The following VPS54 variants were observed in gnomAD, a reference collection of about 807,000 sequenced individuals.
VPS54 encodes the protein vacuolar protein sorting-associated protein 54.
A neutral mutation model predicts 121.5 loss-of-function variants in VPS54; 45 were observed. That is an observed-to-expected ratio of 0.37 (90% CI 0.29 to 0.47). The LOEUF (loss-of-function observed/expected upper bound fraction) is 0.47. Among genes scored for constraint, VPS54 ranks in the 20% least tolerant of loss-of-function variants. The pLI is 0.99. For missense variants in VPS54, 1,090 were observed against 1,131.4 expected, an observed-to-expected ratio of 0.96 and a Z score of 0.52; for synonymous variants, 371 against 385.8, an observed-to-expected ratio of 0.96 and a Z score of 0.45.
rs140832073 is a variant in VPS54, at chr2:63,897,603, T to G, written c.2734-13A>C. 1.3e-4 allele frequency: 177 copies of G among 1,406,548 alleles called. No individual in the cohort carries two copies. In the African/African-American group the frequency reaches 1.8e-3, roughly 14 times the overall value. The allele number at this position is 1,406,548 out of a possible 1,614,324, so 87.1% of individuals were successfully genotyped here. A position where few individuals can be genotyped will look rare whatever the true frequency, so the allele number is the denominator to read the frequency against. ...TTAAAAATAACATCTGAAAAAGAAA[T>G]AAAACTAAGTTTCTTAAAGTTCTAC... On this transcript the variant is annotated splice_polypyrimidine_tract_variant and intron_variant, in intron 21 of 22. Transcript: ENST00000272322.
intron 3 of VPS54, among the ~76,000 whole-genome samples, chr2:63,976,851 CAG>C (rs1676559664): frequency 2.0e-5 from 2 of 98,760 alleles, no homozygotes; most frequent in African/African-American, 4.5e-5. Context: ...TTTTTTGAGA[CAG>C]AGTCTTGCTC....
At chr2:64,009,661 G>T (rs545877319) in intron 1 of VPS54, among the ~76,000 whole-genome samples, 24 of 152,148 alleles carry the variant, frequency 1.6e-4, no homozygotes, top group African/African-American at 5.8e-4. Context: ...TACCAAAGGA[G>T]TAATTGTGCA....
At chr2:63,902,490 A>G (rs1047874736) in intron 20 of VPS54, among the ~76,000 whole-genome samples, 3 of 152,204 alleles carry the variant, frequency 2.0e-5, no homozygotes, top group African/African-American at 7.2e-5. Flanking sequence ...GTCCATTTCC[A>G]TGCATAAACA....
chr2:63,950,203 C>T (rs946613716), intron 7 of VPS54, among the ~76,000 whole-genome samples: 4 of 152,138 alleles, frequency 2.6e-5, no homozygotes, highest in East Asian at 3.8e-4. Context: ...TTTATTGTTT[C>T]GGGCTTTATG....
chr2:63,949,026 A>G lies in VPS54; in HGVS notation c.1137+11T>C. On this transcript the variant is annotated intron_variant, in intron 8 of 22. Transcript: ENST00000272322. ...ATGGCATCAACTTCATTCCACAGTTAAAACACATACCTCTTCTAAAACTTG... is the reference window on the plus strand; with the variant it reads ...ATGGCATCAACTTCATTCCACAGTTGAAACACATACCTCTTCTAAAACTTG... The G allele has an allele frequency of 6.2e-7, 1 of 1,609,328 alleles. No homozygotes were observed. Among genetic ancestry groups the G allele is most frequent in the East Asian group, 2.2e-5 (1 of 44,704 alleles).
intron 12 of VPS54, among the ~76,000 whole-genome samples, chr2:63,923,906 G>C (rs972647645): frequency 1.3e-5 from 2 of 152,174 alleles, no homozygotes; most frequent in East Asian, 1.9e-4. Context: ...CTTGCTACAG[G>C]AATAGTCAGA....
chr2:63,954,658 G>A (rs1250896689), intron 7 of VPS54, among the ~76,000 whole-genome samples: 4 of 152,046 alleles, frequency 2.6e-5, no homozygotes, highest in Non-Finnish European at 5.9e-5. Context: ...CATCAAAAGA[G>A]AGACTTTTCA....
intron 12 of VPS54, among the ~76,000 whole-genome samples, chr2:63,928,652 C>T (rs191453318): frequency 2.0e-5 from 3 of 152,174 alleles, no homozygotes; most frequent in South Asian, 2.1e-4. Flanking sequence ...CAAATTCACA[C>T]ATAACAATAT....
At chr2:63,949,796 TG>T (rs1383001030) in intron 7 of VPS54, among the ~76,000 whole-genome samples, 4 of 152,202 alleles carry the variant, frequency 2.6e-5, no homozygotes, top group Non-Finnish European at 5.9e-5. Flanking sequence ...ACTTTACTTT[TG>T]CATTTCTCTA....
intron 20 of VPS54, among the ~76,000 whole-genome samples, chr2:63,903,758 G>C (rs1191370277): frequency 6.6e-6 from 1 of 151,818 alleles, no homozygotes; most frequent in Non-Finnish European, 1.5e-5. Flanking sequence ...GAAACAAACA[G>C]AAATATAGCT....
chr2:63,984,896 C>T (rs1255704021), intron 1 of VPS54, among the ~76,000 whole-genome samples: 1 of 152,112 alleles, frequency 6.6e-6, no homozygotes, highest in East Asian at 1.9e-4. Context: ...ATCACCTAGT[C>T]TAAGTTCTCT....
chr2:64,012,284 T>C (rs1432046468), intron 1 of VPS54, among the ~76,000 whole-genome samples: 1 of 151,996 alleles, frequency 6.6e-6, no homozygotes, highest in African/African-American at 2.4e-5. Flanking sequence ...TGATTACAAA[T>C]TTATGAGTTC....
intron 1 of VPS54, among the ~76,000 whole-genome samples, chr2:63,999,917 A>AAT (rs1378635787): frequency 3.9e-5 from 6 of 151,944 alleles, no homozygotes; most frequent in Non-Finnish European, 8.8e-5. Flanking sequence ...CTAGAGTGCA[A>AAT]TGGCACGATC....
chr2:63,946,188 T>C (rs1049787432), intron 9 of VPS54, among the ~76,000 whole-genome samples: 1 of 152,162 alleles, frequency 6.6e-6, no homozygotes, highest in African/African-American at 2.4e-5. Context: ...GTTATGTCTA[T>C]GATATTCATT....
intron 20 of VPS54, among the ~76,000 whole-genome samples, chr2:63,905,455 C>G (rs1367666361): frequency 2.0e-5 from 3 of 150,974 alleles, no homozygotes; most frequent in Non-Finnish European, 4.4e-5. Context: ...TAAATCCATT[C>G]AAAGAAACAA....
At chr2:63,918,500 T>C (rs1673487463) in intron 15 of VPS54, among the ~76,000 whole-genome samples, 3 of 151,936 alleles carry the variant, frequency 2.0e-5, no homozygotes, top group Admixed American at 2.0e-4. Flanking sequence ...TATTTTTCCA[T>C]CAGCTCTTGC....
chr2:63,955,179 T>A (rs952411845), intron 7 of VPS54, among the ~76,000 whole-genome samples: 1 of 152,054 alleles, frequency 6.6e-6, no homozygotes, highest in Non-Finnish European at 1.5e-5. Context: ...TTGCTTTGCA[T>A]TGACAACTTA....
chr2:64,000,654 G>C (rs185180996), intron 1 of VPS54, among the ~76,000 whole-genome samples: 2 of 152,380 alleles, frequency 1.3e-5, no homozygotes, highest in Non-Finnish European at 2.9e-5. Flanking sequence ...CACCTTGGTA[G>C]TCTTGAATAA....
At chr2:63,923,715 C>T (rs1673755952) in intron 12 of VPS54, among the ~76,000 whole-genome samples, 1 of 152,188 alleles carries the variant, frequency 6.6e-6, no homozygotes, top group African/African-American at 2.4e-5. Context: ...TTTTCTCTTC[C>T]TATTTCCTGC....
Sources: gnomAD v4.1 joint callset for allele counts (sites outside exome capture counted in the v4.1 genomes callset) on GRCh38, gnomAD v4.1.1 for gene constraint, MANE v1.5 for transcripts, NCBI Gene and HGNC (gene_info 2026-07-23, HGNC 2026-07-21) for gene names.